PCCA: variants seen among roughly 807,000 people sequenced by gnomAD.
PCCA encodes the protein propionyl-CoA carboxylase alpha chain, mitochondrial.
In PCCA, 74 loss-of-function variants were observed where a neutral mutation model predicts 101.3. The observed-to-expected ratio is 0.73, with a 90% CI of 0.61 to 0.89. The LOEUF is 0.89. Ranked by LOEUF, PCCA falls within the 40% of genes least tolerant of loss-of-function variation. The pLI is 0.00. For missense variants in PCCA, 891 were observed against 907.0 expected, an observed-to-expected ratio of 0.98 and a Z score of 0.23; for synonymous variants, 294 against 313.6, an observed-to-expected ratio of 0.94 and a Z score of 0.66.
intron 21 of PCCA, among the ~76,000 whole-genome samples, chr13:100,501,558 G>A (rs149151660): frequency 1.8e-4 from 28 of 152,262 alleles, no homozygotes; most frequent in Non-Finnish European, 3.7e-4. Flanking sequence ...CAGCTTCAGC[G>A]TCTCCTGGGA....
intron 1 of PCCA, 100 bp downstream of exon 1, chr13:100,089,325 T>C: frequency 7.6e-7 from 1 of 1,317,766 alleles, no homozygotes; most frequent in Non-Finnish European, 9.7e-7. Flanking sequence ...TGGGTCCGGC[T>C]GCCCCCGCGC....
chr13:100,266,947 C>A (rs536387888), intron 10 of PCCA, among the ~76,000 whole-genome samples: 3 of 152,062 alleles, frequency 2.0e-5, no homozygotes, highest in African/African-American at 7.2e-5. Context: ...GATTAACTTC[C>A]CTTAAAAGCA....
intron 4 of PCCA, among the ~76,000 whole-genome samples, chr13:100,133,258 G>A (rs1383777335): frequency 6.6e-6 from 1 of 152,108 alleles, no homozygotes; most frequent in East Asian, 1.9e-4. Flanking sequence ...TTTTTCTGTT[G>A]TTGAGTTTAG....
At chr13:100,282,051 TG>T (rs1485799975) in intron 12 of PCCA, among the ~76,000 whole-genome samples, 1 of 152,270 alleles carries the variant, frequency 6.6e-6, no homozygotes, top group Non-Finnish European at 1.5e-5. Flanking sequence ...TTGTTTTCAT[TG>T]TTTATCATGA....
intron 6 of PCCA, among the ~76,000 whole-genome samples, chr13:100,203,652 C>T (rs143642755): frequency 5.2e-4 from 79 of 152,084 alleles, no homozygotes; most frequent in East Asian, 1.5e-3. Context: ...AGGATTGCAC[C>T]GCTGCACTCC....
intron 17 of PCCA, among the ~76,000 whole-genome samples, chr13:100,339,371 A>G (rs2070974399): frequency 6.6e-6 from 1 of 152,196 alleles, no homozygotes; most frequent in Non-Finnish European, 1.5e-5. Flanking sequence ...ATACTGTCCC[A>G]TTTAATACTC....
chr13:100,512,909 C>T (rs952805125), intron 21 of PCCA, among the ~76,000 whole-genome samples: 2 of 152,244 alleles, frequency 1.3e-5, no homozygotes, highest in African/African-American at 4.8e-5. Flanking sequence ...TGAAGTCTCA[C>T]AAAGCATTGG....
chr13:100,187,675 G>A (rs1360463069), intron 6 of PCCA, among the ~76,000 whole-genome samples: 1 of 151,734 alleles, frequency 6.6e-6, no homozygotes, highest in African/African-American at 2.4e-5. Context: ...TTATTTTATT[G>A]TTGAAAAAAA....
At chr13:100,224,340 C>T (rs913209717) in intron 7 of PCCA, among the ~76,000 whole-genome samples, 1 of 152,234 alleles carries the variant, frequency 6.6e-6, no homozygotes, top group Non-Finnish European at 1.5e-5. Context: ...GCCGGCTGCT[C>T]CGAGTGCGGG....
intron 4 of PCCA, among the ~76,000 whole-genome samples, chr13:100,151,613 A>G: frequency 6.6e-6 from 1 of 152,132 alleles, no homozygotes; most frequent in Non-Finnish European, 1.5e-5. Context: ...AAACAAACAG[A>G]AAACAAAACA....
chr13:100,303,880 T>C (rs1044011503), intron 14 of PCCA, among the ~76,000 whole-genome samples: 4 of 152,146 alleles, frequency 2.6e-5, no homozygotes, highest in African/African-American at 4.8e-5. Flanking sequence ...AGAAAAAAAA[T>C]TGTGAAGATT....
chr13:100,427,821 C>T (rs2079258874), intron 20 of PCCA, among the ~76,000 whole-genome samples: 2 of 151,758 alleles, frequency 1.3e-5, no homozygotes, highest in South Asian at 4.2e-4. Context: ...TATATCGACT[C>T]TTTCCAAAAA....
rs568756108 is a variant in PCCA at position 100,143,840 on chromosome 13, C to T, written c.301-11139C>T. 1.6e-4 allele frequency among the ~76,000 whole-genome samples: 24 copies of T among 152,160 alleles called. 1 individual carries two copies. Among genetic ancestry groups the T allele is most frequent in the East Asian group, 5.8e-4 (3 of 5,174 alleles). On this transcript the variant is annotated intron_variant, in intron 4 of 23. Transcript: ENST00000376285. ...CACGACCATAGCTCACTGCAACTTC[C>T]AACTCATGGGCTCATGCAATCATTC... is the stretch of plus-strand genomic sequence containing the variant.
intron 7 of PCCA, among the ~76,000 whole-genome samples, chr13:100,211,225 G>A (rs9557400): frequency 6.6e-6 from 1 of 152,256 alleles, no homozygotes; most frequent in East Asian, 1.9e-4. Flanking sequence ...TCTTCCATTC[G>A]TAAAGCACCA....
intron 8 of PCCA, among the ~76,000 whole-genome samples, chr13:100,253,661 T>C (rs968091569): frequency 6.6e-6 from 1 of 152,184 alleles, no homozygotes; most frequent in African/African-American, 2.4e-5. Flanking sequence ...ATTAGTAGAT[T>C]TCTTTTCGGA....
intron 6 of PCCA, among the ~76,000 whole-genome samples, chr13:100,159,586 A>G (rs1211937212): frequency 1.3e-5 from 2 of 152,234 alleles, no homozygotes; most frequent in Non-Finnish European, 2.9e-5. Flanking sequence ...GATAAGATCA[A>G]TATCTTTGTA....
intron 21 of PCCA, among the ~76,000 whole-genome samples, chr13:100,458,458 C>T (rs927714466): frequency 1.5e-4 from 14 of 95,394 alleles, no homozygotes; most frequent in African/African-American, 4.0e-4. Flanking sequence ...CACACACACA[C>T]ACACACACAC....
chr13:100,441,257 A>G (rs887137367), intron 20 of PCCA, among the ~76,000 whole-genome samples: 6 of 152,328 alleles, frequency 3.9e-5, no homozygotes, highest in Middle Eastern at 6.8e-3. Flanking sequence ...AATGTGGAAA[A>G]TAATACAAAC....
intron 21 of PCCA, among the ~76,000 whole-genome samples, chr13:100,503,177 C>T (rs555546785): frequency 5.3e-5 from 8 of 152,266 alleles, no homozygotes; most frequent in Non-Finnish European, 7.4e-5. Flanking sequence ...TAAGCAGGTA[C>T]GAGGAAAAAT....
Sources: gnomAD v4.1 joint callset for allele counts (sites outside exome capture counted in the v4.1 genomes callset) on GRCh38, gnomAD v4.1.1 for gene constraint, MANE v1.5 for transcripts, NCBI Gene and HGNC (gene_info 2026-07-23, HGNC 2026-07-21) for gene names.